Variants in CTNND2 observed in about 807,000 individuals in gnomAD.
CTNND2 encodes catenin delta-2.
CTNND2 carries 22 observed loss-of-function variants against 144.4 expected under a neutral mutation model. The ratio of observed to expected loss-of-function variants is 0.15; its 90% confidence interval spans 0.11 to 0.22. CTNND2 has a LOEUF of 0.22. CTNND2 is among the 10% of genes least tolerant of loss of function. The pLI is 1.00. For missense variants in CTNND2, 1,353 were observed against 1,618.8 expected (o/e 0.84, Z 2.82); for synonymous variants, 751 against 695.6 (o/e 1.08, Z -1.25).
intron 7 of CTNND2, among the ~76,000 whole-genome samples, chr5:11,380,957 G>A (rs973390889): frequency 6.6e-6 from 1 of 152,128 alleles, no homozygotes; most frequent in Non-Finnish European, 1.5e-5. Context: ...CAAGATCTTA[G>A]CATTTACCAG....
At chr5:11,848,836 A>G (rs1393763717) in intron 1 of CTNND2, among the ~76,000 whole-genome samples, 1 of 152,158 alleles carries the variant, frequency 6.6e-6, no homozygotes, top group Non-Finnish European at 1.5e-5. Flanking sequence ...TTCCCATGAG[A>G]TCCAGGCTAG....
chr5:11,060,333 C>T (rs188378556), intron 16 of CTNND2, among the ~76,000 whole-genome samples: 39 of 152,220 alleles, frequency 2.6e-4, no homozygotes, highest in African/African-American at 8.4e-4. Flanking sequence ...CTGATCAAGA[C>T]AGAATGACTA....
chr5:11,236,713 C>G lies in CTNND2; in HGVS notation c.1739G>C (p.Gly580Ala). Residue 580 changes from glycine to alanine, a missense_variant, in exon 10 of 22, where the codon GGA becomes GCA. Around this residue, in one of 4 missense-constraint regions of CTNND2, gnomAD observed 69 missense variants for 120.3 expected, o/e 0.57. Transcript: ENST00000304623. ...GACCTCGGCTTTAATTTTGTTGTCTCCAAAACAGAGGTGTTGCAAGTAGGC... is the reference window on the plus strand; with the variant it reads ...GACCTCGGCTTTAATTTTGTTGTCTGCAAAACAGAGGTGTTGCAAGTAGGC... ...AAAYLQHLCF[G>A]DNKIKAEIRR... 6.2e-7 allele frequency: 1 copy of G among 1,614,110 alleles called. No homozygotes were observed. Among genetic ancestry groups the G allele is most frequent in the Non-Finnish European group, 8.5e-7 (1 of 1,180,006 alleles).
chr5:11,009,522 A>C (rs1343969594), intron 18 of CTNND2, among the ~76,000 whole-genome samples: 1 of 152,220 alleles, frequency 6.6e-6, no homozygotes, highest in Non-Finnish European at 1.5e-5. Context: ...ACGAGGGAGT[A>C]AGTTTGAGTT....
At position 11,858,733 on chromosome 5, in the gene CTNND2, T is replaced by C. The variant is rs187551854; in HGVS notation, c.37+45084A>G. 5.6e-3 allele frequency among the ~76,000 whole-genome samples: 852 copies of C among 152,244 alleles called. 7 individuals are homozygous for C. Among genetic ancestry groups the C allele is most frequent in the African/African-American group, 0.02 (812 of 41,564 alleles). Reference sequence around the variant, plus strand: ...TCACGAGGTCAGGAGATGGAGACCATCCTGGCTAACACGGTGAAACTCCGT... The same window carrying C: ...TCACGAGGTCAGGAGATGGAGACCACCCTGGCTAACACGGTGAAACTCCGT... On this transcript the variant is annotated intron_variant, in intron 1 of 21. Transcript: ENST00000304623.
intron 1 of CTNND2, among the ~76,000 whole-genome samples, chr5:11,757,375 T>C (rs781564832): frequency 6.6e-6 from 1 of 151,894 alleles, no homozygotes; most frequent in Non-Finnish European, 1.5e-5. Context: ...AAATACTTTT[T>C]TCATTTCTTT....
intron 14 of CTNND2, among the ~76,000 whole-genome samples, chr5:11,109,384 A>ATT (rs70947245): frequency 6.6e-6 from 1 of 151,606 alleles, no homozygotes; most frequent in African/African-American, 2.4e-5. Context: ...CCCTACAGGG[A>ATT]TTTTTTTTTA....
At chr5:11,727,297 T>C (rs967779817) in intron 2 of CTNND2, among the ~76,000 whole-genome samples, 4 of 152,240 alleles carry the variant, frequency 2.6e-5, no homozygotes, top group South Asian at 4.1e-4. Context: ...AAACACCCCA[T>C]CTGGTCAATC....
intron 9 of CTNND2, among the ~76,000 whole-genome samples, chr5:11,323,852 A>G (rs192136942): frequency 6.6e-6 from 1 of 152,278 alleles, no homozygotes; most frequent in East Asian, 1.9e-4. Flanking sequence ...AGCAGATGCC[A>G]TCAGAAAATT....
chr5:11,641,771 T>TGTACATACATACACGTGTACATACAC lies in CTNND2; in HGVS notation c.175-76716_175-76715insGTGTATGTACACGTGTATGTATGTAC, dbSNP rs1561649076. Among the ~76,000 whole-genome samples the TGTACATACATACACGTGTACATACAC allele has an allele frequency of 4.1e-4, 61 of 148,466 alleles. 2 individuals carry two copies. Among genetic ancestry groups the TGTACATACATACACGTGTACATACAC allele is most frequent in the African/African-American group, 1.4e-3 (55 of 39,826 alleles). On this transcript the variant is annotated intron_variant, in intron 2 of 21. Coordinates refer to ENST00000304623, the MANE Select transcript of CTNND2 (RefSeq NM_001332.4). ...GTGTGTATGTACATACATATACGTA[T>TGTACATACATACACGTGTACATACAC]ATGTATGTACATACATACACGTGTA...
chr5:11,455,980 C>G (rs1765702421), intron 3 of CTNND2, among the ~76,000 whole-genome samples: 1 of 152,104 alleles, frequency 6.6e-6, no homozygotes, highest in Non-Finnish European at 1.5e-5. Context: ...GGAAAAATGA[C>G]ATCTTTCATA....
intron 1 of CTNND2, among the ~76,000 whole-genome samples, chr5:11,900,767 A>C (rs1417359059): frequency 6.6e-6 from 1 of 152,234 alleles, no homozygotes; most frequent in African/African-American, 2.4e-5. Context: ...CTTGCAAATC[A>C]GCCAGCAAAG....
intron 1 of CTNND2, among the ~76,000 whole-genome samples, chr5:11,897,224 T>C (rs1737466927): frequency 6.6e-6 from 1 of 152,208 alleles, no homozygotes; most frequent in Admixed American, 6.5e-5. Context: ...ATTACATTAT[T>C]GTATACTGTT....
At chr5:11,538,021 T>C (rs567644957) in intron 3 of CTNND2, among the ~76,000 whole-genome samples, 22 of 152,200 alleles carry the variant, frequency 1.4e-4, no homozygotes, top group Non-Finnish European at 3.1e-4. Context: ...AGATTCACCA[T>C]GGACTCAACC....
rs561532482 is a variant in CTNND2, at chr5:11,403,865, C to G, written c.440-6662G>C. On this transcript the variant is annotated intron_variant, in intron 5 of 21. Transcript: ENST00000304623. ...AGTCTTTGATTTGTGACACATCACA[C>G]ATTTGCCCCCCGTTGATCTGCATGG... is the stretch of plus-strand genomic sequence containing the variant. 9.2e-5 allele frequency among the ~76,000 whole-genome samples: 14 copies of G among 152,334 alleles called. No individual in the cohort carries two copies. The South Asian group carries it at 2.9e-3, about 32-fold the overall frequency.
chr5:11,092,635 G>A (rs1301453566), intron 15 of CTNND2, among the ~76,000 whole-genome samples: 2 of 152,160 alleles, frequency 1.3e-5, no homozygotes, highest in African/African-American at 4.8e-5. Flanking sequence ...ACCATCTCCA[G>A]GACACTGCTG....
intron 14 of CTNND2, among the ~76,000 whole-genome samples, chr5:11,110,462 T>C (rs888503778): frequency 4.6e-5 from 7 of 152,182 alleles, no homozygotes; most frequent in African/African-American, 1.4e-4. Flanking sequence ...GGCCTCCCTC[T>C]GTCTCTCTCT....
At chr5:11,802,193 A>G (rs941967417) in intron 1 of CTNND2, among the ~76,000 whole-genome samples, 6 of 150,230 alleles carry the variant, frequency 4.0e-5, no homozygotes, top group African/African-American at 1.5e-4. Context: ...AATCGCTTGA[A>G]CTCGAGAGGC....
chr5:11,105,268 T>A (rs2149676602), intron 14 of CTNND2, among the ~76,000 whole-genome samples: 1 of 152,378 alleles, frequency 6.6e-6, no homozygotes, highest in Non-Finnish European at 1.5e-5. Context: ...CAGATAATCC[T>A]GTGGTCTTGG....
Sources: allele counts gnomAD v4.1 joint callset (sites outside exome capture counted in the v4.1 genomes callset), GRCh38; gene constraint gnomAD v4.1.1; regional missense constraint gnomAD v4.1.1; transcripts MANE v1.5; gene names NCBI Gene and HGNC (gene_info 2026-07-23, HGNC 2026-07-21).